Variants in TYW1B observed in about 807,000 individuals in gnomAD.
The protein encoded by TYW1B is S-adenosyl-L-methionine-dependent tRNA 4-demethylwyosine synthase TYW1B.
In TYW1B, 73 loss-of-function variants were observed where a neutral mutation model predicts 86.9. The observed-to-expected ratio is 0.84, with a 90% confidence interval of 0.70 to 1.02. The LOEUF is 1.02. Among genes scored for constraint, TYW1B ranks in the 50% least tolerant of loss-of-function variants. The pLI, the probability that TYW1B is intolerant of heterozygous loss-of-function variation, is 0.00. For synonymous variants in TYW1B, 248 were observed against 292.8 expected, an observed-to-expected ratio of 0.85 and a Z score of 1.56; for missense variants, 637 against 827.4, an observed-to-expected ratio of 0.77 and a Z score of 2.82.
At chr7:72,602,814 C>T (rs1369466167) in intron 13 of TYW1B, among the ~76,000 whole-genome samples, 1 of 134,138 alleles carries the variant, frequency 7.5e-6, no homozygotes, top group East Asian at 2.7e-4. Context: ...TCTTGTAGTG[C>T]CAGAAAGAAA....
chr7:72,749,325 G>A (rs1554464448), intron 7 of TYW1B, among the ~76,000 whole-genome samples: 2 of 151,888 alleles, frequency 1.3e-5, no homozygotes, highest in Admixed American at 6.6e-5. Flanking sequence ...ATGGTGTCTC[G>A]CTCTGTCACC....
chr7:72,777,713 C>T (rs1236506564), intron 6 of TYW1B, among the ~76,000 whole-genome samples, 180 bp from the exon 7 acceptor site: 2 of 152,018 alleles, frequency 1.3e-5, no homozygotes, highest in African/African-American at 2.4e-5. Context: ...GTCAGGAGAT[C>T]GAGACCAGCC....
intron 11 of TYW1B, among the ~76,000 whole-genome samples, chr7:72,659,727 CGA>C (rs1813287067): frequency 1.3e-5 from 2 of 152,056 alleles, no homozygotes; most frequent in South Asian, 4.1e-4. Context: ...TGTCAAAAGA[CGA>C]GGGGAAGATG....
At chr7:72,802,689 C>T (rs1585995141) in intron 5 of TYW1B, among the ~76,000 whole-genome samples, 167 bp from the exon 6 acceptor site, 1 of 151,970 alleles carries the variant, frequency 6.6e-6, no homozygotes. Flanking sequence ...GGCGTCATCT[C>T]GGCTCACTGC....
At chr7:72,655,236 T>C (rs1378555099) in intron 11 of TYW1B, among the ~76,000 whole-genome samples, 1 of 152,018 alleles carries the variant, frequency 6.6e-6, no homozygotes, top group Admixed American at 6.6e-5. Context: ...AGGTCCCCAG[T>C]GGCCCACATC....
intron 10 of TYW1B, among the ~76,000 whole-genome samples, chr7:72,706,569 G>A (rs1365275398): frequency 6.6e-6 from 1 of 152,022 alleles, no homozygotes; most frequent in East Asian, 1.9e-4. Context: ...CATTGTTCTG[G>A]GACTATGTGG....
At chr7:72,827,908 T>C (rs1398848202) in intron 1 of TYW1B, among the ~76,000 whole-genome samples, 164 bp downstream of exon 1, 2 of 152,172 alleles carry the variant, frequency 1.3e-5, no homozygotes, top group African/African-American at 2.4e-5. Context: ...AGGTCAAAAG[T>C]AGGGATCGGT....
At chr7:72,698,549 G>C (rs1452849225) in intron 10 of TYW1B, among the ~76,000 whole-genome samples, 10 of 151,578 alleles carry the variant, frequency 6.6e-5, no homozygotes, top group Non-Finnish European at 1.3e-4. Flanking sequence ...AGGAGGCTGA[G>C]GCACAAAAAT....
intron 10 of TYW1B, among the ~76,000 whole-genome samples, chr7:72,703,015 TA>T (rs1814517928): frequency 0.086 from 4,095 of 47,774 alleles, 387 homozygotes; most frequent in East Asian, 0.25. Flanking sequence ...TATATATATA[TA>T]TATATATATA....
At chr7:72,789,769 C>G (rs1788188325) in intron 6 of TYW1B, among the ~76,000 whole-genome samples, 1 of 151,554 alleles carries the variant, frequency 6.6e-6, no homozygotes, top group Admixed American at 6.6e-5. Flanking sequence ...AGCCACCACA[C>G]CCAGCCTGGA....
intron 9 of TYW1B, among the ~76,000 whole-genome samples, chr7:72,721,631 C>G (rs1786904624): frequency 1.3e-5 from 2 of 151,982 alleles, no homozygotes; most frequent in Non-Finnish European, 2.9e-5. Flanking sequence ...CATGCACACA[C>G]ACACACGCAC....
rs955699551 is a variant in TYW1B, at chr7:72,749,693, T to C, written c.965-5092A>G. ...TTTTATTACACTATTTTCAGTTTCA[T>C]TGATTTCTATTCTTCACTTCCTTCC... On this transcript the variant is annotated intron_variant, in intron 7 of 13. Coordinates refer to ENST00000620995, the MANE Select transcript of TYW1B (RefSeq NM_001145440.3). 7.9e-5 allele frequency among the ~76,000 whole-genome samples: 12 copies of C among 152,108 alleles called. No homozygotes were observed. The East Asian group carries it at 2.1e-3, about 27-fold the overall frequency.
chr7:72,581,245 C>A (rs554773970), intron 13 of TYW1B, among the ~76,000 whole-genome samples: 2,010 of 135,120 alleles, frequency 0.015, 53 homozygotes, highest in African/African-American at 0.053. Flanking sequence ...TAGCTGAGAG[C>A]AGGGCTGCCA....
intron 2 of TYW1B, among the ~76,000 whole-genome samples, chr7:72,820,270 G>C (rs1376222924): frequency 1.1e-4 from 17 of 152,068 alleles, no homozygotes; most frequent in Non-Finnish European, 2.2e-4. Context: ...GAAAGACTCT[G>C]TCTCAAAAAA....
intron 13 of TYW1B, among the ~76,000 whole-genome samples, chr7:72,605,567 T>C (rs1159292827): frequency 6.6e-6 from 1 of 152,156 alleles, no homozygotes; most frequent in African/African-American, 2.4e-5. Context: ...TTGGCCAGGC[T>C]GGTCTCGAAC....
intron 2 of TYW1B, 124 bp downstream of exon 2, chr7:72,826,731 T>A (rs1348412297): frequency 1.8e-4 from 225 of 1,245,324 alleles, no homozygotes; most frequent in Non-Finnish European, 2.4e-4. Flanking sequence ...GAAATTTATT[T>A]TAGGCATTTC....
At chr7:72,725,372 T>A (rs1203080757) in intron 9 of TYW1B, among the ~76,000 whole-genome samples, 2 of 152,132 alleles carry the variant, frequency 1.3e-5, no homozygotes, top group African/African-American at 4.8e-5. Context: ...GACTCCAGGA[T>A]GTCCAGGAAA....
intron 11 of TYW1B, among the ~76,000 whole-genome samples, chr7:72,632,698 A>AGCAGGAGTTT (rs1480347331): frequency 6.7e-6 from 1 of 149,864 alleles, no homozygotes; most frequent in Non-Finnish European, 1.5e-5. Flanking sequence ...TAAAAATAAT[A>AGCAGGAGTTT]GCAGGAGTTT....
chr7:72,690,869 T>A (rs1814137065), intron 11 of TYW1B, among the ~76,000 whole-genome samples: 1 of 152,114 alleles, frequency 6.6e-6, no homozygotes, highest in Admixed American at 6.6e-5. Context: ...TGCCTCAGCC[T>A]CCCGAGTAGC....
Sources: gnomAD v4.1 joint callset for allele counts (sites outside exome capture counted in the v4.1 genomes callset) on GRCh38, gnomAD v4.1.1 for gene constraint, MANE v1.5 for transcripts, NCBI Gene and HGNC (gene_info 2026-07-23, HGNC 2026-07-21) for gene names.